Variants in RAP1GAP observed in about 807,000 individuals in gnomAD.
RAP1GAP encodes RAP1 GTPase activating protein.
A neutral mutation model predicts 87.2 loss-of-function variants in RAP1GAP; 35 were observed. The ratio of observed to expected loss-of-function variants is 0.40; its 90% CI spans 0.31 to 0.53. RAP1GAP has a LOEUF of 0.53. RAP1GAP is among the 20% of genes least tolerant of loss of function. The pLI is 0.48. For missense variants in RAP1GAP, 734 were observed against 898.9 expected (o/e 0.82, Z 2.35); for synonymous variants, 375 against 363.9 (o/e 1.03, Z -0.35).
At chr1:21,626,431 C>A in intron 2 of RAP1GAP, 34 bp from the exon 3 acceptor site, 1 of 1,558,918 alleles carries the variant, frequency 6.4e-7, no homozygotes, top group South Asian at 1.1e-5. Flanking sequence ...CAGGGAGAGC[C>A]CCAAGCCAGG....
intron 2 of RAP1GAP, among the ~76,000 whole-genome samples, chr1:21,643,105 C>T (rs2095673562): frequency 1.3e-5 from 1 of 78,842 alleles, no homozygotes; most frequent in African/African-American, 4.7e-5. Context: ...GAAGAAGTGG[C>T]CTCATCTATT....
chr1:21,603,035 G>A lies in RAP1GAP; in HGVS notation c.1429-122C>T, dbSNP rs567191246. The A allele has an allele frequency of 1.1e-3, 744 of 677,632 alleles. 14 individuals carry two copies. The South Asian group carries it at 0.014, about 12-fold the overall frequency. 42.0% of individuals were successfully genotyped at this position (677,632 alleles called of 1,614,324 possible). ...GCAGAGTTGATGAGCAAGAAAGAAC[G>A]AGAGAAGATATCCATTCCCAGAGAC... is the stretch of plus-strand genomic sequence containing the variant. On this transcript the variant is annotated intron_variant, in intron 18 of 24. Coordinates refer to ENST00000374765, the MANE Select transcript of RAP1GAP (RefSeq NM_002885.4). The surrounding 1 kb of genome is among the most constrained non-coding windows in gnomAD (Gnocchi z 6.0).
At chr1:21,600,734 A>T (rs2067493338) in intron 20 of RAP1GAP, among the ~76,000 whole-genome samples, 1 of 151,682 alleles carries the variant, frequency 6.6e-6, no homozygotes, top group East Asian at 1.9e-4. Flanking sequence ...AAAATACAAA[A>T]ATTAGATGGG....
At chr1:21,657,029 AAGAC>A (rs1330785706) in intron 1 of RAP1GAP, among the ~76,000 whole-genome samples, 1 of 152,240 alleles carries the variant, frequency 6.6e-6, no homozygotes, top group Non-Finnish European at 1.5e-5. Flanking sequence ...GAGTCTGAAC[AAGAC>A]AGACAAGGTC....
chr1:21,640,630 C>T (rs1558828977), intron 2 of RAP1GAP, among the ~76,000 whole-genome samples: 1 of 152,208 alleles, frequency 6.6e-6, no homozygotes, highest in African/African-American at 2.4e-5. Context: ...GGGCCAGTGC[C>T]TAGGCTGGCT....
intron 1 of RAP1GAP, among the ~76,000 whole-genome samples, chr1:21,659,474 C>A (rs1229944831): frequency 1.3e-5 from 2 of 152,158 alleles, no homozygotes; most frequent in African/African-American, 4.8e-5. Context: ...TCGCCCTCTC[C>A]CCGGCGCCAG....
At chr1:21,611,675 C>T in intron 12 of RAP1GAP, 41 bp downstream of exon 12, 1 of 1,612,578 alleles carries the variant, frequency 6.2e-7, no homozygotes, top group South Asian at 1.1e-5. Flanking sequence ...CCCAGGAGCA[C>T]AAGTCAGATT....
Position 21,613,283 on chromosome 1 carries a change from T to C in RAP1GAP, c.475-54A>G. 1.7e-5 allele frequency: 23 copies of C among 1,390,144 alleles called. No homozygotes were observed. Among genetic ancestry groups the C allele is most frequent in the Non-Finnish European group, 2.1e-5 (21 of 976,848 alleles). The allele number at this position is 1,390,144 out of a possible 1,614,324, so 86.1% of individuals were successfully genotyped here. ...AGGTGTGGGGCCAGGGAGGAGAGGA[T>C]GGGGCTGCCTGGGCCTCCCTGGTCA... On this transcript the variant is annotated intron_variant, in intron 9 of 24. Transcript: ENST00000374765. This position sits in a 1 kb window ranked among gnomAD's most constrained non-coding sequence, Gnocchi z 4.7.
intron 24 of RAP1GAP, 67 bp from the exon 25 acceptor site, chr1:21,597,331 C>G (rs893826784): frequency 4.3e-6 from 1 of 234,124 alleles, no homozygotes; most frequent in East Asian, 8.7e-5. Context: ...ACCAGTGTGC[C>G]CCAACTCTGC....
chr1:21,610,349 T>G (rs2077465530), intron 13 of RAP1GAP, 74 bp from the exon 14 acceptor site: 210 of 1,538,272 alleles, frequency 1.4e-4, no homozygotes, highest in Non-Finnish European at 1.7e-4. Flanking sequence ...CCACGGGGGT[T>G]TAGGAGGGTT....
At chr1:21,614,299 G>T (rs2275362) in intron 7 of RAP1GAP, among the ~76,000 whole-genome samples, 49,884 of 152,088 alleles carry the variant, frequency 0.33, 8,451 homozygotes, top group Non-Finnish European at 0.38. Context: ...TCACTTGGCC[G>T]CTCTGTGCCT....
At chr1:21,637,678 G>A (rs2094973697) in intron 2 of RAP1GAP, among the ~76,000 whole-genome samples, 1 of 152,050 alleles carries the variant, frequency 6.6e-6, no homozygotes, top group South Asian at 2.1e-4. Flanking sequence ...TCCATTACAA[G>A]GAGATTAGTT....
At chr1:21,610,580 A>C (rs1239312859) in intron 13 of RAP1GAP, among the ~76,000 whole-genome samples, 3 of 152,116 alleles carry the variant, frequency 2.0e-5, no homozygotes, top group Non-Finnish European at 4.4e-5. Context: ...TTACAAGAAA[A>C]ATTATTTTAG....
At chr1:21,637,788 G>A (rs139451969) in intron 2 of RAP1GAP, among the ~76,000 whole-genome samples, 4 of 152,052 alleles carry the variant, frequency 2.6e-5, no homozygotes, top group Admixed American at 6.6e-5. Context: ...TGAATAAAGC[G>A]GGCTGCACAC....
At chr1:21,611,951 G>A in intron 11 of RAP1GAP, 75 bp downstream of exon 11, 1 of 1,481,714 alleles carries the variant, frequency 6.7e-7, no homozygotes, top group South Asian at 1.2e-5. Context: ...TGGCCGGTGT[G>A]CTGCCCTGGA....
At chr1:21,612,577 G>A (rs549328284) in intron 10 of RAP1GAP, among the ~76,000 whole-genome samples, 2 of 152,282 alleles carry the variant, frequency 1.3e-5, no homozygotes, top group Non-Finnish European at 2.9e-5. Flanking sequence ...CCATAAGCAG[G>A]AGGGGGGCCC....
In RAP1GAP at chr1:21,613,752, G is replaced by GA. The variant is rs1553448097; in HGVS notation, c.396-47dup. The GA allele has an allele frequency of 6.5e-7, 1 of 1,541,880 alleles. No individual in the cohort carries two copies. Among genetic ancestry groups the GA allele is most frequent in the South Asian group, 1.1e-5 (1 of 89,662 alleles). Reference sequence around the variant, plus strand: ...GATGAAGGCCTGGGCAGCAGGACAGGAAAATGGGAACCCCACCCCCCACAA... The same window carrying GA: ...GATGAAGGCCTGGGCAGCAGGACAGGAAAAATGGGAACCCCACCCCCCACAA... On this transcript the variant is annotated intron_variant, in intron 8 of 24. Transcript: ENST00000374765. The surrounding 1 kb of genome is among the most constrained non-coding windows in gnomAD (Gnocchi z 4.7).
At chr1:21,652,399 A>G (rs2096648237) in intron 1 of RAP1GAP, among the ~76,000 whole-genome samples, 1 of 152,086 alleles carries the variant, frequency 6.6e-6, no homozygotes, top group Non-Finnish European at 1.5e-5. Flanking sequence ...CGTACAGCAG[A>G]TGCTTAATAA....
chr1:21,626,316 T>C lies in RAP1GAP; in HGVS notation c.-31A>G, dbSNP rs781401737. The C allele has an allele frequency of 6.2e-6, 10 of 1,606,746 alleles. No homozygotes were observed. Among genetic ancestry groups the C allele is most frequent in the Non-Finnish European group, 7.7e-6 (9 of 1,174,120 alleles). On this transcript the variant is annotated 5_prime_UTR_variant, in exon 3 of 25. Transcript: ENST00000374765. ...GGGGGACACTTACCTTAGGGTAGAG[T>C]GAAGGAGTATAGGAGGGAACTAAGT...
Sources: allele counts gnomAD v4.1 joint callset (sites outside exome capture counted in the v4.1 genomes callset), GRCh38; gene constraint gnomAD v4.1.1; non-coding constraint Gnocchi (gnomAD v3.1); transcripts MANE v1.5; gene names NCBI Gene and HGNC (gene_info 2026-07-23, HGNC 2026-07-21).